LSAMP: variants seen among roughly 807,000 people sequenced by gnomAD.
LSAMP encodes the protein limbic system-associated membrane protein.
LSAMP carries 7 observed loss-of-function variants against 38.6 expected under a neutral mutation model. The ratio of observed to expected loss-of-function variants is 0.18; its 90% confidence interval spans 0.10 to 0.34. LSAMP has a LOEUF of 0.34. LSAMP is among the 10% of genes least tolerant of loss of function. The pLI is 1.00. For synonymous variants in LSAMP, 154 were observed against 166.8 expected (o/e 0.92, Z 0.59); for missense variants, 313 against 420.0 (o/e 0.75, Z 2.23).
chr3:115,884,491 A>G (rs1936400857), intron 3 of LSAMP, among the ~76,000 whole-genome samples: 1 of 152,080 alleles, frequency 6.6e-6, no homozygotes, highest in Non-Finnish European at 1.5e-5. Context: ...TCTGAAATTA[A>G]TGCTGTTGGA....
intron 1 of LSAMP, among the ~76,000 whole-genome samples, chr3:116,232,699 C>CTTTTTTTTTTTTTTTTTTTTTTTTTT (rs1219296323): frequency 8.0e-5 from 8 of 99,468 alleles, no homozygotes; most frequent in South Asian, 4.5e-4. Context: ...TTCTTTCTTT[C>CTTTTTTTTTTTTTTTTTTTTTTTTTT]TTTTTTTTTT....
chr3:116,178,147 A>G (rs1366319782), intron 1 of LSAMP, among the ~76,000 whole-genome samples: 5 of 151,886 alleles, frequency 3.3e-5, no homozygotes, highest in Admixed American at 3.3e-4. Flanking sequence ...ATGAATACAT[A>G]TGCATGCAAA....
At chr3:116,222,408 A>G (rs1158091999) in intron 1 of LSAMP, among the ~76,000 whole-genome samples, 3 of 152,164 alleles carry the variant, frequency 2.0e-5, no homozygotes, top group Admixed American at 6.5e-5. Flanking sequence ...ACTTTTAAAA[A>G]ATGTCCCCTT....
chr3:116,372,137 A>G (rs753127721), intron 1 of LSAMP, among the ~76,000 whole-genome samples: 2 of 152,044 alleles, frequency 1.3e-5, no homozygotes, highest in Non-Finnish European at 2.9e-5. Flanking sequence ...CCCAATCAAA[A>G]TCCCAATGAC....
chr3:115,916,111 A>C (rs1937245826), intron 3 of LSAMP, among the ~76,000 whole-genome samples: 1 of 152,044 alleles, frequency 6.6e-6, no homozygotes, highest in African/African-American at 2.4e-5. Flanking sequence ...TAAGTCCAAC[A>C]CCGATCATTC....
intron 1 of LSAMP, among the ~76,000 whole-genome samples, chr3:116,368,890 C>A (rs1011043842): frequency 1.3e-5 from 2 of 151,996 alleles, no homozygotes; most frequent in African/African-American, 4.8e-5. Flanking sequence ...ATATAAAATT[C>A]ATGGCTAAGA....
At chr3:115,979,025 A>G (rs1168477468) in intron 3 of LSAMP, among the ~76,000 whole-genome samples, 1 of 152,112 alleles carries the variant, frequency 6.6e-6, no homozygotes, top group Non-Finnish European at 1.5e-5. Flanking sequence ...AATCAATAAA[A>G]CTGAGTTTTA....
intron 3 of LSAMP, among the ~76,000 whole-genome samples, chr3:115,973,549 A>G (rs1452061011): frequency 2.0e-5 from 3 of 152,110 alleles, no homozygotes; most frequent in Non-Finnish European, 2.9e-5. Context: ...CCTGCTCCAC[A>G]TGGCGAAATG....
At chr3:115,881,389 T>C (rs1342814846) in intron 3 of LSAMP, among the ~76,000 whole-genome samples, 3 of 152,174 alleles carry the variant, frequency 2.0e-5, no homozygotes, top group Non-Finnish European at 4.4e-5. Flanking sequence ...GGATGTTACT[T>C]GTCTACTCTG....
At chr3:115,885,284 A>G (rs1451009677) in intron 3 of LSAMP, among the ~76,000 whole-genome samples, 1 of 151,960 alleles carries the variant, frequency 6.6e-6, no homozygotes, top group Non-Finnish European at 1.5e-5. Context: ...TACACAACAG[A>G]AGCTATTTTG....
intron 1 of LSAMP, among the ~76,000 whole-genome samples, chr3:116,129,031 A>C (rs1025046498): frequency 1.3e-5 from 2 of 152,178 alleles, no homozygotes; most frequent in Admixed American, 1.3e-4. Flanking sequence ...GATTTGGTGG[A>C]TTCATAGATG....
chr3:116,104,794 G>A (rs1477179581), intron 1 of LSAMP, among the ~76,000 whole-genome samples: 1 of 151,324 alleles, frequency 6.6e-6, no homozygotes, highest in Non-Finnish European at 1.5e-5. Context: ...AAGAGGTGGT[G>A]CTCATCTGGG....
intron 2 of LSAMP, among the ~76,000 whole-genome samples, chr3:116,028,833 C>G (rs1213871544): frequency 6.6e-6 from 1 of 151,862 alleles, no homozygotes; most frequent in Non-Finnish European, 1.5e-5. Context: ...TATAATTAAT[C>G]ATTAATTGTG....
intron 2 of LSAMP, among the ~76,000 whole-genome samples, chr3:116,047,539 G>C (rs565947371): frequency 6.6e-6 from 1 of 151,910 alleles, no homozygotes; most frequent in East Asian, 1.9e-4. Context: ...CAGACTATTT[G>C]CTATTACCTG....
chr3:116,375,357 T>G (rs2048481887), intron 1 of LSAMP, among the ~76,000 whole-genome samples: 1 of 151,928 alleles, frequency 6.6e-6, no homozygotes, highest in Non-Finnish European at 1.5e-5. Context: ...TTTAAGTATA[T>G]GCATCCATGA....
intron 1 of LSAMP, among the ~76,000 whole-genome samples, chr3:116,147,135 AT>A (rs1207457430): frequency 6.6e-6 from 1 of 151,838 alleles, no homozygotes; most frequent in Non-Finnish European, 1.5e-5. Flanking sequence ...TCAAAAGCCA[AT>A]TTTTTTACAC....
chr3:116,175,601 T>C (rs1390126658), intron 1 of LSAMP, among the ~76,000 whole-genome samples: 2 of 151,980 alleles, frequency 1.3e-5, no homozygotes, highest in Admixed American at 6.6e-5. Context: ...TGATTCAATG[T>C]AGGAGAGGTG....
chr3:115,921,377 CA>C (rs1175049177), intron 3 of LSAMP, among the ~76,000 whole-genome samples: 1 of 151,976 alleles, frequency 6.6e-6, no homozygotes, highest in Non-Finnish European at 1.5e-5. Flanking sequence ...TTTGTGCCTA[CA>C]AAAAGCATCT....
rs60857238 is a variant in LSAMP at position 116,408,198 on chromosome 3, G to T, written c.155+36679C>A. 7.6e-3 allele frequency among the ~76,000 whole-genome samples: 1,149 copies of T among 152,036 alleles called. 25 individuals are homozygous for T. Among genetic ancestry groups the T allele is most frequent in the African/African-American group, 0.026 (1,078 of 41,488 alleles). On this transcript the variant is annotated intron_variant, in intron 1 of 6. Coordinates refer to ENST00000490035, the MANE Select transcript of LSAMP (RefSeq NM_002338.5). The stretch of plus-strand genomic sequence containing the variant: ...AAATTTTATGTAATGATTATATATT[G>T]CCTACAATTGGAAAATGTGATTTAT...
Sources: allele counts gnomAD v4.1 joint callset (sites outside exome capture counted in the v4.1 genomes callset), GRCh38; gene constraint gnomAD v4.1.1; transcripts MANE v1.5; gene names NCBI Gene and HGNC (gene_info 2026-07-23, HGNC 2026-07-21).